Variants in KCTD3 observed in about 807,000 individuals in gnomAD.
KCTD3 encodes the protein potassium channel tetramerization domain containing 3, also known as BTB/POZ domain-containing protein KCTD3.
A neutral mutation model predicts 85.8 loss-of-function variants in KCTD3; 41 were observed. The ratio of observed to expected loss-of-function variants is 0.48; its 90% confidence interval spans 0.37 to 0.62. The LOEUF (loss-of-function observed/expected upper bound fraction) is 0.62. KCTD3 is among the 20% of genes least tolerant of loss of function. KCTD3 has a pLI of 0.00. For missense variants in KCTD3, 724 were observed against 989.9 expected, an observed-to-expected ratio of 0.73 and a Z score of 3.60; for synonymous variants, 338 against 345.4, an observed-to-expected ratio of 0.98 and a Z score of 0.24.
intron 3 of KCTD3, among the ~76,000 whole-genome samples, 179 bp downstream of exon 3, chr1:215,574,297 G>A (rs1223961844): frequency 6.6e-6 from 1 of 152,036 alleles, no homozygotes; most frequent in Admixed American, 6.6e-5. Flanking sequence ...TCCCTAAGTA[G>A]GGAATACTAT....
rs1212965849 is a variant in KCTD3, at chr1:215,567,748, A to G, written c.63A>G (p.Gln21=). Residue 21 remains glutamine, a synonymous_variant, in exon 1 of 18, where the codon CAA becomes CAG. Coordinates refer to ENST00000259154, the MANE Select transcript of KCTD3 (RefSeq NM_016121.5). ...AAAAGSGEIV[Q]LNVGGTRFST... ...CGGCCGGCAGCGGCGAGATCGTCCA[A>G]CTGAACGTAGGGGGGACCAGGTGAG... 30 of 1,244,804 alleles carry G rather than the reference A, an allele frequency of 2.4e-5. No homozygotes were observed. Among genetic ancestry groups the G allele is most frequent in the East Asian group, 6.3e-5 (2 of 31,704 alleles). The allele number at this position is 1,244,804 out of a possible 1,614,324, so 77.1% of individuals were successfully genotyped here. A position where few individuals can be genotyped will look rare whatever the true frequency, so the allele number is the denominator to read the frequency against.
At chr1:215,610,647 G>A (rs1655196347) in intron 14 of KCTD3, among the ~76,000 whole-genome samples, 1 of 151,952 alleles carries the variant, frequency 6.6e-6, no homozygotes, top group Admixed American at 6.6e-5. Flanking sequence ...TTAGAGATCA[G>A]AAGGTTCCAG....
At chr1:215,589,492 C>T (rs140476390) in intron 9 of KCTD3, among the ~76,000 whole-genome samples, 3 of 152,086 alleles carry the variant, frequency 2.0e-5, no homozygotes, top group East Asian at 1.9e-4. Context: ...AACCTACAAC[C>T]GATAGATACT....
At chr1:215,619,123 G>C (rs373165570) in intron 16 of KCTD3, 30 bp from the exon 17 acceptor site, 8 of 1,609,384 alleles carry the variant, frequency 5.0e-6, no homozygotes, top group Non-Finnish European at 6.8e-6. Context: ...TTTCACTTAA[G>C]TGATTTTAAT....
chr1:215,579,174 C>G (rs776672427), intron 7 of KCTD3, 37 bp downstream of exon 7: 1 of 1,573,168 alleles, frequency 6.4e-7, no homozygotes, highest in Non-Finnish European at 8.7e-7. Flanking sequence ...AAGAAAAATA[C>G]GTATGTTTTT....
At position 215,567,757 on chromosome 1, in the gene KCTD3, A is replaced by AG. The variant is rs1435385125; in HGVS notation, c.78dup (p.Thr27AspfsTer4). 3 of 1,244,506 alleles carry AG rather than the reference A, an allele frequency of 2.4e-6. No individual in the cohort carries two copies. The highest frequency in any genetic ancestry group is 3.1e-5 in the African/African-American group (2 of 64,472). The allele number at this position is 1,244,506 out of a possible 1,614,324, so 77.1% of individuals were successfully genotyped here. On this transcript the variant is annotated frameshift_variant, in exon 1 of 18. Transcript: ENST00000259154. LOFTEE classifies it high-confidence loss of function. Reference sequence around the variant, plus strand: ...GCGGCGAGATCGTCCAACTGAACGTAGGGGGGACCAGGTGAGTCGGCGGGT... The same window carrying AG: ...GCGGCGAGATCGTCCAACTGAACGTAGGGGGGGACCAGGTGAGTCGGCGGGT...
chr1:215,589,010 G>A (rs1179158919), intron 9 of KCTD3, among the ~76,000 whole-genome samples: 9 of 152,286 alleles, frequency 5.9e-5, no homozygotes, highest in Middle Eastern at 3.4e-3. Flanking sequence ...CTGTGATGTC[G>A]TAACTTACCT....
chr1:215,609,437 G>A (rs1235869799), intron 14 of KCTD3, among the ~76,000 whole-genome samples: 4 of 151,954 alleles, frequency 2.6e-5, no homozygotes, highest in Non-Finnish European at 5.9e-5. Context: ...GGCCAGTGCC[G>A]GATCGTGGAA....
At chr1:215,607,653 T>A (rs1253853653) in intron 13 of KCTD3, among the ~76,000 whole-genome samples, 2 of 152,026 alleles carry the variant, frequency 1.3e-5, no homozygotes, top group Non-Finnish European at 2.9e-5. Flanking sequence ...GCAGAAACAG[T>A]TTCTATAGTT....
intron 9 of KCTD3, among the ~76,000 whole-genome samples, chr1:215,594,717 A>G (rs148554694): frequency 1.2e-4 from 19 of 152,268 alleles, no homozygotes; most frequent in African/African-American, 3.9e-4. Context: ...TTTTAATCCT[A>G]AAGCCTGATA....
intron 9 of KCTD3, among the ~76,000 whole-genome samples, chr1:215,595,037 C>T (rs977587053): frequency 7.9e-5 from 12 of 152,086 alleles, no homozygotes; most frequent in African/African-American, 2.9e-4. Context: ...TCCCAGGATC[C>T]TTTTTGTTTT....
intron 15 of KCTD3, among the ~76,000 whole-genome samples, chr1:215,617,785 T>C (rs575224920): frequency 6.8e-6 from 1 of 147,438 alleles, no homozygotes; most frequent in African/African-American, 2.5e-5. Context: ...ACTATATATA[T>C]ATATAATGTA....
rs1654855118 is a variant in KCTD3 at position 215,602,078 on chromosome 1, G to A, written c.1022-7G>A. 1 of 1,547,120 alleles carries A rather than the reference G, an allele frequency of 6.5e-7. No individual in the cohort carries two copies. Among genetic ancestry groups the A allele is most frequent in the Non-Finnish European group, 8.9e-7 (1 of 1,124,716 alleles). On this transcript the variant is annotated splice_polypyrimidine_tract_variant and splice_region_variant and intron_variant, in intron 11 of 17. Coordinates refer to ENST00000259154, the MANE Select transcript of KCTD3 (RefSeq NM_016121.5). Reference sequence around the variant, plus strand: ...TTTTAATGCTGTTTAAAATTTTTATGTTTTAGATATGCAGAAGTTCCCCTT... The same window carrying A: ...TTTTAATGCTGTTTAAAATTTTTATATTTTAGATATGCAGAAGTTCCCCTT...
At chr1:215,617,655 G>A (rs1655504562) in intron 15 of KCTD3, among the ~76,000 whole-genome samples, 1 of 151,680 alleles carries the variant, frequency 6.6e-6, no homozygotes, top group Non-Finnish European at 1.5e-5. Flanking sequence ...CCTACATGCA[G>A]CAAGCCAAAA....
Position 215,589,337 on chromosome 1 carries a change from G to T in KCTD3, c.817+2652G>T, listed in dbSNP as rs548084549. On this transcript the variant is annotated intron_variant, in intron 9 of 17. Transcript: ENST00000259154. ...ATTTTTTAATCACTGTATAGATAGGGTCTCACTATGTTGCCCAGGTCTTGA... is the reference window on the plus strand; with the variant it reads ...ATTTTTTAATCACTGTATAGATAGGTTCTCACTATGTTGCCCAGGTCTTGA... Among the ~76,000 whole-genome samples, 3 of 152,098 alleles carry T rather than the reference G, an allele frequency of 2.0e-5. No homozygotes were observed. The East Asian group carries it at 5.8e-4, about 30-fold the overall frequency.
intron 4 of KCTD3, 86 bp downstream of exon 4, chr1:215,576,060 TTTG>T: frequency 2.5e-6 from 2 of 804,562 alleles, no homozygotes; most frequent in Non-Finnish European, 4.0e-6. Flanking sequence ...GTTTTTTTTG[TTTG>T]TTTTTTTTTT....
At position 215,604,383 on chromosome 1, in the gene KCTD3, G is replaced by C. The variant is rs560505476; in HGVS notation, c.1309+81G>C. 1.4e-5 allele frequency: 15 copies of C among 1,084,154 alleles called. 2 individuals carry two copies. The highest frequency in any genetic ancestry group is 4.5e-5 in the South Asian group (3 of 67,004). 67.2% of individuals were successfully genotyped at this position (1,084,154 alleles called of 1,614,324 possible). On this transcript the variant is annotated intron_variant, in intron 13 of 17. Coordinates refer to ENST00000259154, the MANE Select transcript of KCTD3 (RefSeq NM_016121.5). ...AAAAGAATGAAAACGCAGTGTTTATGTGAGAAAAATATACTAAAAGAAGTA... is the reference window on the plus strand; with the variant it reads ...AAAAGAATGAAAACGCAGTGTTTATCTGAGAAAAATATACTAAAAGAAGTA...
intron 3 of KCTD3, among the ~76,000 whole-genome samples, chr1:215,575,677 A>G (rs190599980): frequency 2.6e-5 from 4 of 152,326 alleles, no homozygotes; most frequent in African/African-American, 9.6e-5. Flanking sequence ...CAGTTTAATA[A>G]TAACTATTCA....
chr1:215,584,652 T>A (rs982504428), intron 8 of KCTD3, among the ~76,000 whole-genome samples: 3 of 152,090 alleles, frequency 2.0e-5, no homozygotes, highest in Non-Finnish European at 4.4e-5. Context: ...AGACAAGATA[T>A]GTGGCCAGTT....
Sources: allele counts gnomAD v4.1 joint callset (sites outside exome capture counted in the v4.1 genomes callset), GRCh38; gene constraint gnomAD v4.1.1; transcripts MANE v1.5; gene names NCBI Gene and HGNC (gene_info 2026-07-23, HGNC 2026-07-21).